The following LRRTM3 variants were observed in gnomAD, a reference collection of about 807,000 sequenced individuals.
LRRTM3 encodes the protein leucine-rich repeat transmembrane neuronal protein 3.
A neutral mutation model predicts 44.7 loss-of-function variants in LRRTM3; 24 were observed. That is an observed-to-expected ratio of 0.54 (90% CI 0.39 to 0.76). The LOEUF is 0.76. Ranked by LOEUF, LRRTM3 falls within the 30% of genes least tolerant of loss-of-function variation. LRRTM3 has a pLI of 0.00. For synonymous variants in LRRTM3, 277 were observed against 278.7 expected (o/e 0.99, Z 0.06); for missense variants, 587 against 702.2 (o/e 0.84, Z 1.85).
chr10:66,980,756 A>G (rs545898906), intron 2 of LRRTM3, among the ~76,000 whole-genome samples: 4 of 152,204 alleles, frequency 2.6e-5, no homozygotes, highest in Non-Finnish European at 5.9e-5. Context: ...ACAAGGGTCC[A>G]TTGTCAGAGG....
At chr10:66,937,659 A>T (rs1372196521) in intron 2 of LRRTM3, among the ~76,000 whole-genome samples, 2 of 152,118 alleles carry the variant, frequency 1.3e-5, no homozygotes, top group Non-Finnish European at 2.9e-5. Context: ...CTCCCAACAA[A>T]GCCCAGCTAC....
At chr10:67,066,035 A>C (rs1331977134) in intron 2 of LRRTM3, among the ~76,000 whole-genome samples, 2 of 152,010 alleles carry the variant, frequency 1.3e-5, no homozygotes, top group Non-Finnish European at 2.9e-5. Context: ...CATTTTAGAG[A>C]ACTGATGATC....
At chr10:67,086,584 A>C (rs1857323417) in intron 2 of LRRTM3, among the ~76,000 whole-genome samples, 1 of 151,998 alleles carries the variant, frequency 6.6e-6, no homozygotes, top group African/African-American at 2.4e-5. Flanking sequence ...AGTCTGTTTT[A>C]TAAAGAATGT....
chr10:67,012,697 T>C (rs1300786692), intron 2 of LRRTM3, among the ~76,000 whole-genome samples: 3 of 152,132 alleles, frequency 2.0e-5, no homozygotes, highest in Non-Finnish European at 4.4e-5. Flanking sequence ...CTTGGACAAA[T>C]GTAATCACGT....
rs750242654 is a variant in LRRTM3 at position 66,927,198 on chromosome 10, T to C, written c.282T>C (p.His94=). Residue 94 remains histidine, a synonymous_variant, in exon 2 of 3, where the codon CAT becomes CAC. Transcript: ENST00000361320. This position sits in a 1 kb window ranked among gnomAD's most constrained non-coding sequence, Gnocchi z 4.7. The part of the protein sequence containing the change: ...LNQLTWLYLD[H]NHISNIDENA... Reference sequence around the variant, plus strand: ...AGCTCACCTGGCTATACCTTGACCATAACCATATCAGCAATATTGACGAAA... The same window carrying C: ...AGCTCACCTGGCTATACCTTGACCACAACCATATCAGCAATATTGACGAAA... The C allele has an allele frequency of 1.2e-6, 2 of 1,614,056 alleles. No homozygotes were observed. The highest frequency in any genetic ancestry group is 2.7e-5 in the African/African-American group (2 of 74,924).
intron 2 of LRRTM3, among the ~76,000 whole-genome samples, chr10:67,024,934 C>A (rs1853261386): frequency 6.6e-6 from 1 of 151,834 alleles, no homozygotes; most frequent in Non-Finnish European, 1.5e-5. Flanking sequence ...AGTTTGAGAC[C>A]AGCCTGACCA....
intron 2 of LRRTM3, among the ~76,000 whole-genome samples, chr10:66,934,983 C>G (rs904508693): frequency 1.3e-5 from 2 of 152,028 alleles, no homozygotes; most frequent in Non-Finnish European, 2.9e-5. Context: ...GACAGTGAAG[C>G]TACAGTATCA....
intron 2 of LRRTM3, among the ~76,000 whole-genome samples, chr10:67,074,583 C>G (rs1161075928): frequency 6.6e-6 from 1 of 152,018 alleles, no homozygotes; most frequent in African/African-American, 2.4e-5. Context: ...ATCTCCTGAC[C>G]TTGTAATCCA....
rs569710662 is a variant in LRRTM3 at position 67,058,831 on chromosome 10, A to G, written c.1537-38756A>G. Among the ~76,000 whole-genome samples, 10 of 152,296 alleles carry G rather than the reference A, an allele frequency of 6.6e-5. No individual in the cohort carries two copies. In the East Asian group the frequency reaches 1.7e-3, roughly 26 times the overall value. On this transcript the variant is annotated intron_variant, in intron 2 of 2. Transcript: ENST00000361320. Reference sequence around the variant, plus strand: ...AATCTGAGTTCTAGGCTGTTTTCTAATGATTCTTAGACACATATCAATTTC... The same window carrying G: ...AATCTGAGTTCTAGGCTGTTTTCTAGTGATTCTTAGACACATATCAATTTC...
chr10:67,035,946 C>A (rs1333630733), intron 2 of LRRTM3, among the ~76,000 whole-genome samples: 3 of 152,106 alleles, frequency 2.0e-5, no homozygotes, highest in Non-Finnish European at 4.4e-5. Context: ...TAGAACTAGA[C>A]AACTTTTCTT....
At chr10:66,996,647 T>TCCAA (rs1851361925) in intron 2 of LRRTM3, among the ~76,000 whole-genome samples, 1 of 8,950 alleles carries the variant, frequency 1.1e-4, no homozygotes, top group African/African-American at 5.5e-4. Context: ...ACTCCGTCTC[T>TCCAA]ACAAAAAAAA....
At chr10:67,084,721 C>T (rs536313198) in intron 2 of LRRTM3, among the ~76,000 whole-genome samples, 7 of 151,918 alleles carry the variant, frequency 4.6e-5, no homozygotes, top group Admixed American at 6.6e-5. Context: ...TAAATTATTG[C>T]TATTACTCAT....
intron 2 of LRRTM3, among the ~76,000 whole-genome samples, chr10:66,938,669 G>A (rs1161860126): frequency 6.6e-6 from 1 of 151,954 alleles, no homozygotes; most frequent in African/African-American, 2.4e-5. Flanking sequence ...AAGGTTAATC[G>A]TATTCTTAGG....
intron 2 of LRRTM3, among the ~76,000 whole-genome samples, chr10:66,950,556 T>C (rs762505361): frequency 9.2e-5 from 14 of 152,068 alleles, no homozygotes; most frequent in Non-Finnish European, 2.1e-4. Context: ...TGAGATTTAG[T>C]TCATATCATA....
intron 2 of LRRTM3, among the ~76,000 whole-genome samples, chr10:66,945,371 G>A (rs1848223688): frequency 6.6e-6 from 1 of 152,136 alleles, no homozygotes; most frequent in Admixed American, 6.6e-5. Context: ...TAAACCTCAT[G>A]AACCAACCTC....
Position 66,927,076 on chromosome 10 carries a change from G to A in LRRTM3, c.160G>A (p.Glu54Lys). 1 of 1,614,146 alleles carries A rather than the reference G, an allele frequency of 6.2e-7. No homozygotes were observed. The highest frequency in any genetic ancestry group is 8.5e-7 in the Non-Finnish European group (1 of 1,180,036). Residue 54 changes from glutamate to lysine, a missense_variant, in exon 2 of 3, where the codon GAG becomes AAG. This residue lies in a region of LRRTM3 where 222 missense variants were observed against 323.3 expected (regional missense o/e 0.69). Coordinates refer to ENST00000361320, the MANE Select transcript of LRRTM3 (RefSeq NM_178011.5). The surrounding 1 kb of genome is among the most constrained non-coding windows in gnomAD (Gnocchi z 4.7). ...MVYCESQKLQEIPSSISAGCL... is the reference protein window; with the variant it reads ...MVYCESQKLQKIPSSISAGCL... ...ATATTGTGAATCTCAGAAATTACAGGAGATACCCTCAAGTATATCTGCTGG... is the reference window on the plus strand; with the variant it reads ...ATATTGTGAATCTCAGAAATTACAGAAGATACCCTCAAGTATATCTGCTGG...
At chr10:67,035,957 G>T (rs1436409736) in intron 2 of LRRTM3, among the ~76,000 whole-genome samples, 1 of 152,022 alleles carries the variant, frequency 6.6e-6, no homozygotes, top group Non-Finnish European at 1.5e-5. Context: ...AACTTTTCTT[G>T]CTTTTCTTTT....
chr10:66,952,793 T>C (rs1848601406), intron 2 of LRRTM3, among the ~76,000 whole-genome samples: 2 of 151,940 alleles, frequency 1.3e-5, no homozygotes, highest in Admixed American at 1.3e-4. Flanking sequence ...TTGTTAAATA[T>C]TTTGAAAATT....
intron 2 of LRRTM3, among the ~76,000 whole-genome samples, chr10:66,945,878 C>G (rs944076106): frequency 6.6e-6 from 1 of 152,102 alleles, no homozygotes; most frequent in South Asian, 2.1e-4. Flanking sequence ...GTCAGTGAAG[C>G]GGTCAGGACA....
Sources: allele counts gnomAD v4.1 joint callset (sites outside exome capture counted in the v4.1 genomes callset), GRCh38; gene constraint gnomAD v4.1.1; regional missense constraint gnomAD v4.1.1; non-coding constraint Gnocchi (gnomAD v3.1); transcripts MANE v1.5; gene names NCBI Gene and HGNC (gene_info 2026-07-23, HGNC 2026-07-21).